The following STK3 variants were observed in gnomAD, a reference collection of about 807,000 sequenced individuals.
STK3 encodes serine/threonine kinase 3, also known as serine/threonine-protein kinase 3.
In STK3, 41 loss-of-function variants were observed where a neutral mutation model predicts 58.0. That is an observed-to-expected ratio of 0.71 (90% CI 0.55 to 0.92). The LOEUF (loss-of-function observed/expected upper bound fraction) is 0.92, where lower values mean the gene tolerates loss of function less well. Ranked by LOEUF, STK3 falls within the 40% of genes least tolerant of loss-of-function variation. The probability of loss-of-function intolerance (pLI) is 0.00; values close to 1 mark genes in which losing one functional copy is unlikely to be tolerated. For missense variants in STK3, 479 were observed against 602.7 expected (o/e 0.79, Z 2.15); for synonymous variants, 170 against 191.0 (o/e 0.89, Z 0.91).
intron 3 of STK3, among the ~76,000 whole-genome samples, chr8:98,833,609 G>A (rs1342208650): frequency 3.3e-5 from 5 of 152,178 alleles, no homozygotes; most frequent in Non-Finnish European, 7.4e-5. Flanking sequence ...TATTTGTCAT[G>A]TGATGTGACC....
At chr8:98,369,745 A>AC (rs1391396510), downstream of STK3, among the ~76,000 whole-genome samples, 4 of 152,082 alleles carry the variant, frequency 2.6e-5, no homozygotes, top group African/African-American at 9.7e-5. Flanking sequence ...GACGGGAAGT[A>AC]CCCCCACCCA....
intron 3 of STK3, among the ~76,000 whole-genome samples, chr8:98,755,279 A>C (rs1830220643): frequency 6.6e-6 from 1 of 152,246 alleles, no homozygotes; most frequent in Admixed American, 6.5e-5. Context: ...TGAAACACAC[A>C]TTCACAATTT....
At chr8:98,703,128 G>A (rs754976341) in intron 6 of STK3, among the ~76,000 whole-genome samples, 2 of 152,120 alleles carry the variant, frequency 1.3e-5, no homozygotes, top group Non-Finnish European at 2.9e-5. Flanking sequence ...AACTTAGAGG[G>A]TTCAGATTTT....
chr8:98,456,280 T>C (rs1819484434), intron 10 of STK3, among the ~76,000 whole-genome samples: 1 of 152,234 alleles, frequency 6.6e-6, no homozygotes, highest in African/African-American at 2.4e-5. Flanking sequence ...TGATGGAATT[T>C]GTAAAAAGGT....
chr8:98,634,055 A>C (rs1050337225), intron 6 of STK3, among the ~76,000 whole-genome samples: 17 of 152,184 alleles, frequency 1.1e-4, no homozygotes, highest in Non-Finnish European at 2.5e-4. Flanking sequence ...GTGGACGAAA[A>C]GAAGGGGATA....
chr8:98,782,082 C>A, intron 1 of STK3: 1 of 234,574 alleles, frequency 4.3e-6, no homozygotes, highest in Non-Finnish European at 8.7e-6. Context: ...CTCTAGTGTC[C>A]TCCGCTGTGG....
At chr8:98,467,944 A>C (rs561228624) in intron 10 of STK3, among the ~76,000 whole-genome samples, 1 of 152,350 alleles carries the variant, frequency 6.6e-6, no homozygotes, top group East Asian at 1.9e-4. Flanking sequence ...CATATCATAA[A>C]AATGTAAATA....
chr8:98,522,218 T>C (rs1238959790), intron 10 of STK3, among the ~76,000 whole-genome samples: 4 of 152,144 alleles, frequency 2.6e-5, no homozygotes, highest in Non-Finnish European at 4.4e-5. Context: ...ATGTCAAAAA[T>C]TGTGTGTATG....
chr8:98,698,253 G>A (rs1301272645), intron 6 of STK3, among the ~76,000 whole-genome samples: 1 of 151,362 alleles, frequency 6.6e-6, no homozygotes, highest in African/African-American at 2.4e-5. Flanking sequence ...GAGCCTATGT[G>A]TGTCTCTGCA....
intron 4 of STK3, among the ~76,000 whole-genome samples, chr8:98,738,519 GAGAGATCAAGGA>G (rs1365194314): frequency 3.3e-5 from 5 of 152,046 alleles, no homozygotes; most frequent in Non-Finnish European, 7.4e-5. Flanking sequence ...AAACTTATAA[GAGAGATCAAGGA>G]AAACAAAGAC....
chr8:98,597,806 C>A, intron 6 of STK3: 1 of 983,864 alleles, frequency 1.0e-6, no homozygotes, highest in East Asian at 1.1e-4. Context: ...CCCCAGAGCT[C>A]ACAGTCAACT....
intron 3 of STK3, among the ~76,000 whole-genome samples, chr8:98,394,809 G>A (rs1284244857): frequency 6.6e-6 from 1 of 152,174 alleles, no homozygotes; most frequent in Non-Finnish European, 1.5e-5. Context: ...CTTATATTGG[G>A]TTCTCTTCTC....
At chr8:98,557,735 C>G (rs541654604) in intron 8 of STK3, among the ~76,000 whole-genome samples, 1 of 152,082 alleles carries the variant, frequency 6.6e-6, no homozygotes, top group Non-Finnish European at 1.5e-5. Flanking sequence ...CCTTTCACTA[C>G]GAAATCAGCT....
At chr8:98,392,329 C>T (rs1198163959), upstream of STK3, among the ~76,000 whole-genome samples, 1 of 152,156 alleles carries the variant, frequency 6.6e-6, no homozygotes, top group African/African-American at 2.4e-5. Flanking sequence ...ACTGCTTCTA[C>T]ACCTCTTTCC....
At chr8:98,914,282 C>T (rs548060050) in intron 1 of STK3, among the ~76,000 whole-genome samples, 1 of 152,004 alleles carries the variant, frequency 6.6e-6, no homozygotes, top group Non-Finnish European at 1.5e-5. Flanking sequence ...CTCATCTCTA[C>T]AAAAAATACA....
At chr8:98,408,146 C>T (rs541738448) in intron 3 of STK3, among the ~76,000 whole-genome samples, 1 of 152,276 alleles carries the variant, frequency 6.6e-6, no homozygotes, top group African/African-American at 2.4e-5. Context: ...GTCACCCAGC[C>T]TTTAAGAACC....
chr8:98,915,405 A>G (rs1839304897), intron 1 of STK3, among the ~76,000 whole-genome samples: 2 of 140,586 alleles, frequency 1.4e-5, no homozygotes, highest in South Asian at 4.5e-4. Context: ...CCTTGTGATC[A>G]TGTGAGTTAA....
chr8:98,905,141 C>A, intron 1 of STK3: 7 of 1,436,602 alleles, frequency 4.9e-6, no homozygotes, highest in Non-Finnish European at 6.8e-6. Flanking sequence ...CTACTGGGCA[C>A]TCTTTGGACC....
chr8:98,849,958 CA>C (rs1287382681), intron 3 of STK3, among the ~76,000 whole-genome samples: 1 of 152,052 alleles, frequency 6.6e-6, no homozygotes, highest in Non-Finnish European at 1.5e-5. Flanking sequence ...AGAAAAGAAA[CA>C]ACTGTTCAAC....
Sources: allele counts gnomAD v4.1 joint callset (sites outside exome capture counted in the v4.1 genomes callset), GRCh38; gene constraint gnomAD v4.1.1; transcripts MANE v1.5; gene names NCBI Gene and HGNC (gene_info 2026-07-23, HGNC 2026-07-21).